ZDHHC11: variants seen among roughly 807,000 people sequenced by gnomAD.
ZDHHC11 encodes zDHHC palmitoyltransferase 11.
In ZDHHC11, 44 loss-of-function variants were observed where a neutral mutation model predicts 51.3. The observed-to-expected ratio is 0.86, with a 90% confidence interval of 0.67 to 1.10. ZDHHC11 has a LOEUF of 1.10. Ranked by LOEUF, ZDHHC11 falls within the 50% of genes least tolerant of loss-of-function variation. ZDHHC11 has a pLI of 0.00. For missense variants in ZDHHC11, 400 were observed against 537.7 expected (o/e 0.74, Z 2.53); for synonymous variants, 163 against 222.0 (o/e 0.73, Z 2.36).
At chr5:815,387 G>C (rs1419278480) in intron 10 of ZDHHC11, among the ~76,000 whole-genome samples, 3 of 150,904 alleles carry the variant, frequency 2.0e-5, no homozygotes, top group African/African-American at 7.3e-5. Context: ...GTTGTTCTCA[G>C]TGCTCTTGGT....
intron 6 of ZDHHC11, 86 bp downstream of exon 6, chr5:837,279 G>A: frequency 1.3e-6 from 2 of 1,484,122 alleles, no homozygotes; most frequent in Non-Finnish European, 1.9e-6. Context: ...CTGAAGTAAA[G>A]GAGCATGGCT....
chr5:822,386 T>C (rs1197754251), intron 8 of ZDHHC11, among the ~76,000 whole-genome samples: 1 of 151,488 alleles, frequency 6.6e-6, no homozygotes, highest in African/African-American at 2.4e-5. Flanking sequence ...AGCCTGCAGA[T>C]ATGTGAGAAA....
At chr5:854,766 A>G (rs376558092), upstream of ZDHHC11, among the ~76,000 whole-genome samples, 5,375 of 79,196 alleles carry the variant, frequency 0.068, 284 homozygotes, top group African/African-American at 0.2. Context: ...AGCGAGCCGG[A>G]GGGCACAGAC....
intron 4 of ZDHHC11, chr5:841,856 G>A: frequency 1.0e-6 from 1 of 990,066 alleles, no homozygotes; most frequent in Non-Finnish European, 1.2e-6. Context: ...ATGTCTTTGG[G>A]TGACTCAGCA....
upstream of ZDHHC11, among the ~76,000 whole-genome samples, chr5:854,057 C>G (rs1488921500): frequency 5.9e-4 from 58 of 99,022 alleles, no homozygotes; most frequent in African/African-American, 8.9e-4. Context: ...AGTGAGCAGC[C>G]GGGACAGACC....
chr5:819,673 A>G lies in ZDHHC11; in HGVS notation c.1059-61T>C. 4 of 1,538,572 alleles carry G rather than the reference A, an allele frequency of 2.6e-6. No homozygotes were observed. The South Asian group carries it at 3.4e-5, about 13-fold the overall frequency. On this transcript the variant is annotated intron_variant, in intron 9 of 12. Transcript: ENST00000283441. Reference sequence around the variant, plus strand: ...AGTTTTGTAGGGCGCTCAGGATGGCACTGGAGGCTACAGTGTGTCCTGTAA... The same window carrying G: ...AGTTTTGTAGGGCGCTCAGGATGGCGCTGGAGGCTACAGTGTGTCCTGTAA...
intron 10 of ZDHHC11, chr5:816,270 G>C: frequency 4.0e-6 from 1 of 247,004 alleles, no homozygotes; most frequent in Non-Finnish European, 8.1e-6. Context: ...TAATGTTTTT[G>C]GGATCTATCA....
At chr5:841,867 T>G (rs1428265484) in intron 4 of ZDHHC11, 2 of 988,868 alleles carry the variant, frequency 2.0e-6, no homozygotes, top group Middle Eastern at 5.1e-4. Context: ...TGACTCAGCA[T>G]GGATGTCTTT....
intron 4 of ZDHHC11, 135 bp from the exon 5 acceptor site, chr5:840,785 G>A: frequency 1.3e-6 from 2 of 1,537,818 alleles, no homozygotes; most frequent in South Asian, 1.2e-5. Flanking sequence ...TCCCTGCCCA[G>A]GTGGACGCCT....
intron 11 of ZDHHC11, among the ~76,000 whole-genome samples, chr5:804,205 T>C (rs2150290465): frequency 6.6e-6 from 1 of 151,510 alleles, no homozygotes; most frequent in East Asian, 1.9e-4. Flanking sequence ...TTAAATTGTG[T>C]GTAGTTCTCA....
intron 11 of ZDHHC11, among the ~76,000 whole-genome samples, chr5:801,604 A>T (rs1434563754): frequency 6.6e-6 from 1 of 151,148 alleles, no homozygotes; most frequent in Non-Finnish European, 1.5e-5. Context: ...TCTTGAGTAC[A>T]GGTGTTTTGT....
chr5:852,639 G>A (rs1330493927), upstream of ZDHHC11, among the ~76,000 whole-genome samples: 1 of 149,550 alleles, frequency 6.7e-6, no homozygotes, highest in Non-Finnish European at 1.5e-5. Context: ...ACAGAGGACA[G>A]TGAGCAAGGG....
chr5:850,307 C>A, intron 1 of ZDHHC11, 74 bp downstream of exon 1: 1 of 1,524,922 alleles, frequency 6.6e-7, no homozygotes, highest in East Asian at 2.4e-5. Context: ...ATGGCCCAGA[C>A]CCCACAGCCA....
chr5:836,641 G>T lies in ZDHHC11; in HGVS notation c.900+724C>A, dbSNP rs541198333. ...GGCCTGGGATTTTTCTTCACTGGGA[G>T]ATTTTAAATTAGTAGTTTAGTCTCT... On this transcript the variant is annotated intron_variant, in intron 6 of 12. Transcript: ENST00000283441. Among the ~76,000 whole-genome samples the T allele has an allele frequency of 3.3e-5, 5 of 149,626 alleles. No individual in the cohort carries two copies. In the East Asian group the frequency reaches 9.6e-4, roughly 29 times the overall value.
At chr5:819,456 G>A in intron 10 of ZDHHC11, 69 bp downstream of exon 10, 1 of 1,526,462 alleles carries the variant, frequency 6.6e-7, no homozygotes, top group Non-Finnish European at 9.1e-7. Flanking sequence ...CCTCAGCTTG[G>A]GGGACCTCAG....
chr5:840,870 G>A lies in ZDHHC11; in HGVS notation c.629-220C>T, dbSNP rs542772470. ...GATCCCTGCTTTATGGATCTGGGAG[G>A]TGAGGCTCCAACATTGTCACTAAGT... On this transcript the variant is annotated intron_variant, in intron 4 of 12. Transcript: ENST00000283441. 1.4e-4 allele frequency: 200 copies of A among 1,442,966 alleles called. No homozygotes were observed. The Middle Eastern group carries it at 1.5e-3, about 11-fold the overall frequency. 89.4% of individuals were successfully genotyped at this position (1,442,966 alleles called of 1,614,324 possible). A position where few individuals can be genotyped will look rare whatever the true frequency, so the allele number is the denominator to read the frequency against.
At position 819,546 on chromosome 5, in the gene ZDHHC11, T is replaced by A; in HGVS notation, c.1125A>T (p.Pro375=). The change falls in exon 10 of 13, where the codon CCA becomes CCT. Residue 375 remains proline, a synonymous_variant. Coordinates refer to ENST00000283441, the MANE Select transcript of ZDHHC11 (RefSeq NM_024786.3). ...TTACCTGTGCCATCGAGCCCCCGTC[T>A]GGGTGTACACGAGTGGAGAACTGAC... The part of the protein sequence containing the change: ...RLCQFSTRVH[P]DGGSMAQEAD... 1 of 1,609,724 alleles carries A rather than the reference T, an allele frequency of 6.2e-7. No homozygotes were observed. The highest frequency in any genetic ancestry group is 8.5e-7 in the Non-Finnish European group (1 of 1,176,674).
At chr5:836,393 G>A (rs1651316) in intron 6 of ZDHHC11, among the ~76,000 whole-genome samples, 7 of 150,296 alleles carry the variant, frequency 4.7e-5, no homozygotes, top group African/African-American at 7.4e-5. Flanking sequence ...TTCCTGCCCC[G>A]TGCTGCTCGA....
In ZDHHC11 at chr5:807,460, C is replaced by T; in HGVS notation, c.1182-6296G>A. On this transcript the variant is annotated intron_variant, in intron 11 of 12. Coordinates refer to ENST00000283441, the MANE Select transcript of ZDHHC11 (RefSeq NM_024786.3). ...TCAGACTCTGCTTTTGTTGTTGGTGCTTCCTCCACTATCATAAATAAACAA... is the reference window on the plus strand; with the variant it reads ...TCAGACTCTGCTTTTGTTGTTGGTGTTTCCTCCACTATCATAAATAAACAA... Among the ~76,000 whole-genome samples, 2 of 151,476 alleles carry T rather than the reference C, an allele frequency of 1.3e-5. 1 individual carries two copies. The highest frequency in any genetic ancestry group is 3.0e-5 in the Non-Finnish European group (2 of 67,720).
Sources: allele counts gnomAD v4.1 joint callset (sites outside exome capture counted in the v4.1 genomes callset), GRCh38; gene constraint gnomAD v4.1.1; transcripts MANE v1.5; gene names NCBI Gene and HGNC (gene_info 2026-07-23, HGNC 2026-07-21).